The following POP1 variants were observed in gnomAD, a reference collection of about 807,000 sequenced individuals.
POP1 encodes POP1 ribonuclease P/MRP subunit, also known as ribonucleases P/MRP protein subunit POP1.
In POP1, 75 loss-of-function variants were observed where a neutral mutation model predicts 102.2. That is an observed-to-expected ratio of 0.73 (90% CI 0.61 to 0.89). The LOEUF is 0.89. Ranked by LOEUF, POP1 falls within the 40% of genes least tolerant of loss-of-function variation. POP1 has a pLI of 0.00. For missense variants in POP1, 1,116 were observed against 1,267.4 expected, an observed-to-expected ratio of 0.88 and a Z score of 1.81; for synonymous variants, 436 against 464.1, an observed-to-expected ratio of 0.94 and a Z score of 0.78.
At position 98,151,302 on chromosome 8, in the gene POP1, G is replaced by A. The variant is rs537428003; in HGVS notation, c.2057+663G>A. On this transcript the variant is annotated intron_variant, in intron 14 of 15. Coordinates refer to ENST00000401707, the MANE Select transcript of POP1 (RefSeq NM_001145860.2). ...TCACCATGTTGCCCAGGCTGGTCTC[G>A]ATACCAATTTTCCATAGATCCACCG... is the stretch of plus-strand genomic sequence containing the variant. 6.6e-5 allele frequency among the ~76,000 whole-genome samples: 10 copies of A among 152,242 alleles called. No individual in the cohort carries two copies. The South Asian group carries it at 1.9e-3, about 28-fold the overall frequency.
chr8:98,141,875 T>A (rs944785791), intron 11 of POP1, among the ~76,000 whole-genome samples: 2 of 151,832 alleles, frequency 1.3e-5, no homozygotes, highest in Non-Finnish European at 2.9e-5. Context: ...GCCCAGAATT[T>A]TTTTTTTAAT....
chr8:98,134,792 T>C lies in POP1; in HGVS notation c.1011+133T>C. 3 of 977,872 alleles carry C rather than the reference T, an allele frequency of 3.1e-6. No individual in the cohort carries two copies. In the Admixed American group the frequency reaches 7.4e-5, roughly 24 times the overall value. The allele number at this position is 977,872 out of a possible 1,614,324, so 60.6% of individuals were successfully genotyped here. On this transcript the variant is annotated intron_variant, in intron 7 of 15. Coordinates refer to ENST00000401707, the MANE Select transcript of POP1 (RefSeq NM_001145860.2). The stretch of plus-strand genomic sequence containing the variant: ...TGATATTTGTATATGGGGGGCTCTA[T>C]GATTATTGAATGAAGTGAATTTTTA...
intron 14 of POP1, among the ~76,000 whole-genome samples, chr8:98,155,046 G>C (rs1809611997): frequency 6.6e-6 from 1 of 152,152 alleles, no homozygotes; most frequent in Non-Finnish European, 1.5e-5. Flanking sequence ...TATTACCTTT[G>C]TGGAGGATAG....
At chr8:98,137,286 G>A (rs1172149629) in intron 9 of POP1, among the ~76,000 whole-genome samples, 1 of 151,664 alleles carries the variant, frequency 6.6e-6, no homozygotes, top group Non-Finnish European at 1.5e-5. Flanking sequence ...ATGTGTGCGT[G>A]TGCCATGTAG....
intron 1 of POP1, among the ~76,000 whole-genome samples, chr8:98,118,281 C>T (rs1815905924): frequency 6.6e-6 from 1 of 152,204 alleles, no homozygotes; most frequent in African/African-American, 2.4e-5. Flanking sequence ...TAGAGTCCTC[C>T]TGTATTCACA....
At chr8:98,129,029 C>T (rs1309363952) in intron 4 of POP1, among the ~76,000 whole-genome samples, 2 of 152,110 alleles carry the variant, frequency 1.3e-5, no homozygotes, top group African/African-American at 4.8e-5. Flanking sequence ...ACGAAATTCA[C>T]AGGCAATTGG....
rs1424182259 is a variant in POP1, at chr8:98,153,999, C to T, written c.2058-2051C>T. 3.3e-5 allele frequency among the ~76,000 whole-genome samples: 5 copies of T among 152,114 alleles called. No individual in the cohort carries two copies. In the East Asian group the frequency reaches 9.6e-4, roughly 29 times the overall value. ...ATTCTGCAGTGGGGGGATTAAGTAG[C>T]ACACTCCTGATTGTGACTGTCTTCA... On this transcript the variant is annotated intron_variant, in intron 14 of 15. Coordinates refer to ENST00000401707, the MANE Select transcript of POP1 (RefSeq NM_001145860.2).
At chr8:98,124,925 G>A (rs10808358) in intron 2 of POP1, among the ~76,000 whole-genome samples, 65,837 of 151,892 alleles carry the variant, frequency 0.43, 14,559 homozygotes, top group Middle Eastern at 0.53. Context: ...AGTGTCCAAG[G>A]ACTTGTTTGG....
chr8:98,137,929 G>A (rs1284877862), intron 9 of POP1, among the ~76,000 whole-genome samples: 1 of 152,188 alleles, frequency 6.6e-6, no homozygotes, highest in East Asian at 1.9e-4. Flanking sequence ...CAATGCCTGT[G>A]CCTCTCACTG....
intron 2 of POP1, among the ~76,000 whole-genome samples, chr8:98,127,348 C>A (rs1302683392): frequency 6.6e-6 from 1 of 152,106 alleles, no homozygotes. Flanking sequence ...TCTGTTATAT[C>A]CAAGGTCCTT....
Position 98,134,487 on chromosome 8 carries a change from C to T in POP1, c.839C>T (p.Ala280Val), listed in dbSNP as rs1277019709. ...TTGATGTCAGGGCTGACGTTTGCAG[C>T]AGTTCACTGCTTGTCTGGAAAGCGC... The part of the protein sequence containing the change: ...CNIDTGLTFA[A>V]VHCLSGKRQG... The change falls in exon 7 of 16, where the codon GCA becomes GTA. Residue 280 changes from alanine to valine, a missense_variant. By Grantham distance (64) the Ala-to-Val change is moderately conservative. Coordinates refer to ENST00000401707, the MANE Select transcript of POP1 (RefSeq NM_001145860.2). 1 of 1,614,136 alleles carries T rather than the reference C, an allele frequency of 6.2e-7. No individual in the cohort carries two copies. Among genetic ancestry groups the T allele is most frequent in the East Asian group, 2.2e-5 (1 of 44,884 alleles).
chr8:98,148,299 C>T (rs1266762371), intron 12 of POP1, among the ~76,000 whole-genome samples: 2 of 152,190 alleles, frequency 1.3e-5, no homozygotes, highest in African/African-American at 4.8e-5. Context: ...ACCTGTTAAT[C>T]TCTTTTTACA....
At chr8:98,121,288 G>C (rs1563768751) in intron 1 of POP1, among the ~76,000 whole-genome samples, 1 of 152,184 alleles carries the variant, frequency 6.6e-6, no homozygotes. Flanking sequence ...ATTGGAAAAG[G>C]AAGTAAGTGA....
rs1378457335 is a variant in POP1, at chr8:98,136,570, C to G, written c.1100C>G (p.Ser367Cys). Residue 367 changes from serine (S) to cysteine (C), a missense_variant, in exon 8 of 16, where the codon TCC becomes TGC. By Grantham distance (112) the Ser-to-Cys change is moderately radical. Coordinates refer to ENST00000401707, the MANE Select transcript of POP1 (RefSeq NM_001145860.2). The part of the protein sequence containing the change: ...VCIADPLPTP[S>C]QEKSQTELPD... ...ATCGCTGACCCACTTCCAACACCATCCCAAGAAAAAAGCCAAACTGAATTG... is the reference window on the plus strand; with the variant it reads ...ATCGCTGACCCACTTCCAACACCATGCCAAGAAAAAAGCCAAACTGAATTG... The G allele has an allele frequency of 6.2e-7, 1 of 1,614,010 alleles. No homozygotes were observed. The highest frequency in any genetic ancestry group is 1.7e-5 in the Admixed American group (1 of 60,004).
Position 98,128,602 on chromosome 8 carries a change from T to C in POP1, c.486+62T>C, listed in dbSNP as rs556449437. 6.4e-6 allele frequency: 10 copies of C among 1,557,504 alleles called. No individual in the cohort carries two copies. The African/African-American group carries it at 1.2e-4, about 19-fold the overall frequency. ...AGCTCCTAGAAGAAATTGAGAAGTA[T>C]TGACCTAATAGAATTTATTAAAAAT... is the stretch of plus-strand genomic sequence containing the variant. On this transcript the variant is annotated intron_variant, in intron 4 of 15. Transcript: ENST00000401707.
In POP1 at chr8:98,146,698, A is replaced by G. The variant is rs774345352; in HGVS notation, c.1710+15A>G. On this transcript the variant is annotated intron_variant, in intron 12 of 15. Coordinates refer to ENST00000401707, the MANE Select transcript of POP1 (RefSeq NM_001145860.2). ...TCTCGGATCAGGTAACTAATAGTGT[A>G]AGGGTTATTGGTAAAGTCATGAATG... 21 of 1,543,762 alleles carry G rather than the reference A, an allele frequency of 1.4e-5. No individual in the cohort carries two copies. The South Asian group carries it at 2.3e-4, about 17-fold the overall frequency.
Position 98,123,367 on chromosome 8 carries a change from C to T in POP1, c.30C>T (p.Ala10=). MSNAKERKH[A]KKMRNQPTNV... ...CAAATGCAAAAGAAAGAAAACACGC[C>T]AAGAAAATGAGAAACCAGCCTACCA... The change falls in exon 2 of 16, where the codon GCC becomes GCT. Residue 10 remains alanine (A), a synonymous_variant. Transcript: ENST00000401707. 1 of 1,613,812 alleles carries T rather than the reference C, an allele frequency of 6.2e-7. No homozygotes were observed. Among genetic ancestry groups the T allele is most frequent in the Non-Finnish European group, 8.5e-7 (1 of 1,179,868 alleles).
rs777087920 is a variant in POP1 at position 98,157,647 on chromosome 8, C to T, written c.2451C>T (p.Ala817=). The part of the protein sequence containing the change: ...RSRKLLKQLS[A]WCGPSSEDSR... The stretch of plus-strand genomic sequence containing the variant: ...GAAAATTACTGAAGCAACTGTCAGC[C>T]TGGTGTGGGCCCAGTTCTGAGGATA... The change falls in exon 16 of 16, where the codon GCC becomes GCT. Residue 817 remains alanine (A), a synonymous_variant. Transcript: ENST00000401707. 1 of 1,614,204 alleles carries T rather than the reference C, an allele frequency of 6.2e-7. No individual in the cohort carries two copies. Among genetic ancestry groups the T allele is most frequent in the South Asian group, 1.1e-5 (1 of 91,084 alleles).
Position 98,127,780 on chromosome 8 carries a change from G to A in POP1, c.310+18G>A, listed in dbSNP as rs1816253857. The A allele has an allele frequency of 6.2e-7, 1 of 1,612,674 alleles. No homozygotes were observed. On this transcript the variant is annotated intron_variant, in intron 3 of 15. Coordinates refer to ENST00000401707, the MANE Select transcript of POP1 (RefSeq NM_001145860.2). ...TATAACTGGTGGGTACTCATAAAGA[G>A]GTGCAGTTTGCTTGTATTTTGAACT...
Sources: allele counts gnomAD v4.1 joint callset (sites outside exome capture counted in the v4.1 genomes callset), GRCh38; gene constraint gnomAD v4.1.1; transcripts MANE v1.5; gene names NCBI Gene and HGNC (gene_info 2026-07-23, HGNC 2026-07-21).